The following ZNF43 variants were observed in gnomAD, a reference collection of about 807,000 sequenced individuals.
ZNF43 encodes zinc finger protein 43.
Under a neutral mutation model 68.4 loss-of-function variants are expected in ZNF43, and 44 were observed. The observed-to-expected ratio is 0.64, with a 90% CI of 0.51 to 0.83. The LOEUF is 0.83. Among genes scored for constraint, ZNF43 ranks in the 40% least tolerant of loss-of-function variants. ZNF43 has a pLI of 0.00. For missense variants in ZNF43, 896 were observed against 933.2 expected (o/e 0.96, Z 0.52); for synonymous variants, 308 against 307.8 (o/e 1.00, Z -0.01).
chr19:21,829,032 C>CAAAAAAAAAAAAAAAAAAAAAAAAAAAAA (rs551226809), intron 1 of ZNF43, among the ~76,000 whole-genome samples: 1 of 38,810 alleles, frequency 2.6e-5, no homozygotes, highest in African/African-American at 8.8e-5. Flanking sequence ...GACTCTGTCT[C>CAAAAAAAAAAAAAAAAAAAAAAAAAAAAA]AAAAAAAAAA....
In ZNF43 at chr19:21,849,488, CAAAAAAAAAA is replaced by C. The variant is rs35354919; in HGVS notation, c.30+2407_30+2416del. On this transcript the variant is annotated intron_variant, in intron 1 of 3. Coordinates refer to the ZNF43 transcript ENST00000357491. The stretch of plus-strand genomic sequence containing the variant: ...GGACAACAAGGGCAAAACCCTGCCT[CAAAAAAAAAA>C]AAAAAAAAAAAAAAAAAGTGGTAAT... 1.7e-4 allele frequency among the ~76,000 whole-genome samples: 5 copies of C among 29,506 alleles called. No individual in the cohort carries two copies. In the South Asian group the frequency reaches 4.2e-3, roughly 25 times the overall value. The allele number at this position is 29,506 out of a possible 152,430, so 19.4% of individuals were successfully genotyped here.
intron 1 of ZNF43, chr19:21,826,817 AGAGT>A (rs1415129667): frequency 8.3e-6 from 1 of 120,048 alleles, no homozygotes; most frequent in Non-Finnish European, 1.7e-5. Context: ...GCCTGGCGAC[AGAGT>A]GAGACTCTTT....
rs1371954878 is a variant in ZNF43 at position 21,808,526 on chromosome 19, T to A, written c.1511A>T (p.His504Leu). ...ACATTTGTAGGGTTTCTTTTCAATG[T>A]GAATTTTCTTATGTTTAGTAAGGTT... Reference protein sequence around the residue: ...SSNLTKHKKIHIEKKPYKCEE... With the variant: ...SSNLTKHKKILIEKKPYKCEE... Residue 504 changes from histidine to leucine, a missense_variant, in exon 4 of 4, where the codon CAC becomes CTC. His to Leu is a moderately conservative substitution (Grantham distance 99, BLOSUM62 -3). Transcript: ENST00000354959. 2.5e-6 allele frequency: 4 copies of A among 1,613,172 alleles called. No individual in the cohort carries two copies. Among genetic ancestry groups the A allele is most frequent in the Non-Finnish European group, 3.4e-6 (4 of 1,179,810 alleles).
At position 21,805,237 on chromosome 19, in the gene ZNF43, AG is replaced by A. The variant is rs201936340; in HGVS notation, c.*2369del. ...TCCCAGAACTCTGGGAGGCCGAGGC[AG>A]GCAGATCATGAGGTCAGAAGATCGA... On this transcript the variant is annotated 3_prime_UTR_variant, in exon 4 of 4. Transcript: ENST00000354959. 3,517 of 152,314 alleles carry A rather than the reference AG, an allele frequency of 0.023. 147 individuals carry two copies. Among genetic ancestry groups the A allele is most frequent in the African/African-American group, 0.078 (3,219 of 41,534 alleles). 9.4% of individuals were successfully genotyped at this position (152,314 alleles called of 1,614,324 possible).
intron 1 of ZNF43, among the ~76,000 whole-genome samples, chr19:21,846,660 T>G (rs898209016): frequency 2.0e-5 from 3 of 152,102 alleles, no homozygotes. Context: ...TTCACCAATA[T>G]TTCACAATCT....
At position 21,824,812 on chromosome 19, in the gene ZNF43, G is replaced by C. The variant is rs547841494; in HGVS notation, c.4-5591C>G. ...GAATATAAGTAAATCATTTATTTGG[G>C]CCAAGCTTGAGGATTATAACCTGGG... On this transcript the variant is annotated intron_variant, in intron 1 of 3. Transcript: ENST00000354959. 2.0e-5 allele frequency among the ~76,000 whole-genome samples: 3 copies of C among 152,058 alleles called. No individual in the cohort carries two copies. In the South Asian group the frequency reaches 6.2e-4, roughly 32 times the overall value.
intron 1 of ZNF43, among the ~76,000 whole-genome samples, chr19:21,848,733 G>A (rs570937308): frequency 1.1e-4 from 16 of 152,278 alleles, no homozygotes; most frequent in African/African-American, 2.4e-4. Context: ...AATTAATCCC[G>A]TACAGGTCCC....
chr19:21,807,508 T>C lies in ZNF43; in HGVS notation c.*99A>G, dbSNP rs2036993563. ...CCACATTCTTCACACTTGTAGAAGT[T>C]TACTCCAATGTAAATTATCTTACCT... On this transcript the variant is annotated 3_prime_UTR_variant, in exon 4 of 4. Transcript: ENST00000354959. 2 of 1,167,580 alleles carry C rather than the reference T, an allele frequency of 1.7e-6. No individual in the cohort carries two copies. The highest frequency in any genetic ancestry group is 5.2e-5 in the East Asian group (2 of 38,716). 72.3% of individuals were successfully genotyped at this position (1,167,580 alleles called of 1,614,324 possible).
chr19:21,809,774 G>T lies in ZNF43; in HGVS notation c.263C>A (p.Pro88Gln). Residue 88 changes from proline to glutamine, a missense_variant, in exon 4 of 4, where the codon CCA becomes CAA. By Grantham distance (76) the Pro-to-Gln change is moderately conservative. Coordinates refer to ENST00000354959, the MANE Select transcript of ZNF43 (RefSeq NM_003423.4). ...MCSHFTQDFW[P>Q]EQHIKDPFQK... ...GAAAGGATCTTTTATATGCTGCTCT[G>T]GCCAAAAGTCTTGGGTAAAATGAGA... 2 of 1,573,642 alleles carry T rather than the reference G, an allele frequency of 1.3e-6. No individual in the cohort carries two copies. Among genetic ancestry groups the T allele is most frequent in the South Asian group, 1.2e-5 (1 of 85,590 alleles).
chr19:21,805,059 T>C lies in ZNF43; in HGVS notation c.*2548A>G, dbSNP rs1465153335. 6.6e-6 allele frequency: 1 copy of C among 152,214 alleles called. No individual in the cohort carries two copies. Among genetic ancestry groups the C allele is most frequent in the African/African-American group, 2.4e-5 (1 of 41,462 alleles). 9.4% of individuals were successfully genotyped at this position (152,214 alleles called of 1,614,324 possible). On this transcript the variant is annotated 3_prime_UTR_variant, in exon 4 of 4. Transcript: ENST00000354959. ...AATTGTACATTAAAATAATGAAGTG[T>C]AGAATTGGCTTGTAATACAAAGGAT...
intron 3 of ZNF43, among the ~76,000 whole-genome samples, chr19:21,813,812 A>G (rs916936070): frequency 6.6e-6 from 1 of 151,958 alleles, no homozygotes; most frequent in Non-Finnish European, 1.5e-5. Flanking sequence ...ACCCAAGCTT[A>G]AGTACAGTGG....
rs972045512 is a variant in ZNF43 at position 21,808,624 on chromosome 19, T to G, written c.1413A>C (p.Thr471=). ...KAFNQFSNLT[T]HKRIHTAEKP... ...TTTCTGCAGTATGAATTCTCTTATG[T>G]GTAGTAAGGTTTGAGAACTGGTTAA... is the stretch of plus-strand genomic sequence containing the variant. The change falls in exon 4 of 4, where the codon ACA becomes ACC. Residue 471 remains threonine, a synonymous_variant. Coordinates refer to ENST00000354959, the MANE Select transcript of ZNF43 (RefSeq NM_003423.4). 3 of 1,613,742 alleles carry G rather than the reference T, an allele frequency of 1.9e-6. No individual in the cohort carries two copies. Among genetic ancestry groups the G allele is most frequent in the Middle Eastern group, 3.3e-4 (2 of 6,060 alleles).
chr19:21,810,849 C>T (rs1039298550), intron 3 of ZNF43, among the ~76,000 whole-genome samples: 2 of 152,024 alleles, frequency 1.3e-5, no homozygotes, highest in African/African-American at 4.8e-5. Flanking sequence ...ACTTAAGGGG[C>T]TAAGGTTGAC....
At chr19:21,842,453 T>G (rs1967612165) in intron 1 of ZNF43, among the ~76,000 whole-genome samples, 1 of 149,802 alleles carries the variant, frequency 6.7e-6, no homozygotes, top group South Asian at 2.1e-4. Flanking sequence ...AATCCCGCCT[T>G]GGGCAGAAAC....
rs1382682436 is a variant in ZNF43, at chr19:21,807,635, G to A, written c.2402C>T (p.Thr801Ile). Residue 801 changes from threonine to isoleucine, a missense_variant, in exon 4 of 4, where the codon ACA (threonine) becomes ATA (isoleucine). By Grantham distance (89) the Thr-to-Ile change is moderately conservative (BLOSUM62 -1). Coordinates refer to ENST00000354959, the MANE Select transcript of ZNF43 (RefSeq NM_003423.4). ...KPEDVTVILTTPQTFSNIK is the reference protein window; with the variant it reads ...KPEDVTVILTIPQTFSNIK ...TTTTATGTTTGAAAAAGTTTGAGGT[G>A]TTGTCAAAATCACTGTCACATCTTC... The A allele has an allele frequency of 1.3e-6, 2 of 1,556,394 alleles. No homozygotes were observed. The highest frequency in any genetic ancestry group is 1.7e-6 in the Non-Finnish European group (2 of 1,154,948).
chr19:21,847,513 A>G (rs1056311582), intron 1 of ZNF43, among the ~76,000 whole-genome samples: 1 of 152,116 alleles, frequency 6.6e-6, no homozygotes, highest in Non-Finnish European at 1.5e-5. Context: ...CCTGGCCAAC[A>G]TGCTGAAACC....
chr19:21,809,920 AC>A, intron 3 of ZNF43, 113 bp from the exon 4 acceptor site: 1 of 990,424 alleles, frequency 1.0e-6, no homozygotes, highest in Non-Finnish European at 1.4e-6. Flanking sequence ...ATAGAAAAAT[AC>A]CACAGGCCCT....
intron 3 of ZNF43, among the ~76,000 whole-genome samples, chr19:21,814,089 T>C (rs1291354474): frequency 6.6e-6 from 1 of 152,040 alleles, no homozygotes; most frequent in Non-Finnish European, 1.5e-5. Flanking sequence ...AGATTTAAGA[T>C]GGTAAATTTC....
intron 1 of ZNF43, chr19:21,843,174 A>G (rs1016436382): frequency 3.2e-5 from 5 of 157,286 alleles, no homozygotes; most frequent in African/African-American, 1.2e-4. Flanking sequence ...ATATGTCACA[A>G]TGCCCTCTGC....
Sources: gnomAD v4.1 joint callset for allele counts (sites outside exome capture counted in the v4.1 genomes callset) on GRCh38, gnomAD v4.1.1 for gene constraint, MANE v1.5 for transcripts, NCBI Gene and HGNC (gene_info 2026-07-23, HGNC 2026-07-21) for gene names.